Variants in PARN observed in about 807,000 individuals in gnomAD.
PARN encodes the protein poly(A)-specific ribonuclease PARN.
A neutral mutation model predicts 102.8 loss-of-function variants in PARN; 71 were observed. That is an observed-to-expected ratio of 0.69 (90% CI 0.57 to 0.84). The LOEUF is 0.84. PARN is among the 40% of genes least tolerant of loss of function. The pLI is 0.00. For missense variants in PARN, 782 were observed against 760.9 expected, an observed-to-expected ratio of 1.03 and a Z score of -0.33; for synonymous variants, 261 against 252.9, an observed-to-expected ratio of 1.03 and a Z score of -0.30.
chr16:14,568,456 A>AC (rs1055268050), intron 18 of PARN, among the ~76,000 whole-genome samples: 14 of 151,528 alleles, frequency 9.2e-5, no homozygotes, highest in Admixed American at 2.6e-4. Flanking sequence ...AAAAAAAAAA[A>AC]ATAGCTGGGT....
At chr16:14,585,384 T>C (rs988741842) in intron 14 of PARN, among the ~76,000 whole-genome samples, 10 of 130,678 alleles carry the variant, frequency 7.7e-5, no homozygotes, top group African/African-American at 1.1e-4. Context: ...TTTTTTTTTT[T>C]CATATAAATG....
chr16:14,596,873 G>A (rs377440101), intron 12 of PARN, among the ~76,000 whole-genome samples: 2 of 147,734 alleles, frequency 1.4e-5, no homozygotes, highest in Non-Finnish European at 3.0e-5. Flanking sequence ...TGCAACCCCC[G>A]CCTCCTAGGT....
chr16:14,537,288 A>T (rs1966649623), intron 21 of PARN, among the ~76,000 whole-genome samples: 1 of 152,190 alleles, frequency 6.6e-6, no homozygotes. Context: ...ACAAAAAAAT[A>T]ACACAGACTG....
chr16:14,566,794 C>T (rs946424408), intron 18 of PARN, among the ~76,000 whole-genome samples: 17 of 152,210 alleles, frequency 1.1e-4, no homozygotes, highest in East Asian at 5.8e-4. Flanking sequence ...CAGCTCAGCA[C>T]GTGGACTGCC....
chr16:14,620,173 C>G (rs1304456073), intron 5 of PARN, among the ~76,000 whole-genome samples: 1 of 150,842 alleles, frequency 6.6e-6, no homozygotes. Flanking sequence ...GTCAGGAGAT[C>G]GAGACCACCC....
intron 8 of PARN, 96 bp from the exon 9 acceptor site, chr16:14,608,415 G>C: frequency 1.3e-6 from 1 of 778,262 alleles, no homozygotes; most frequent in Non-Finnish European, 2.1e-6. Flanking sequence ...TTTAAAAAGA[G>C]ACTTCATTAG....
In PARN at chr16:14,563,522, G is replaced by GTGTGTGTATATATA. The variant is rs1423811963; in HGVS notation, c.1263-7814_1263-7813insTATATATACACACA. The stretch of plus-strand genomic sequence containing the variant: ...TGTGTGTGTGTGTGTGTGTGTGTGT[G>GTGTGTGTATATATA]TATATAATTCTTTTAAGTTCTGGGA... On this transcript the variant is annotated intron_variant, in intron 18 of 23. Coordinates refer to ENST00000437198, the MANE Select transcript of PARN (RefSeq NM_002582.4). Among the ~76,000 whole-genome samples, 515 of 149,234 alleles carry GTGTGTGTATATATA rather than the reference G, an allele frequency of 3.5e-3. 2 individuals are homozygous for GTGTGTGTATATATA. The highest frequency in any genetic ancestry group is 4.9e-3 in the Non-Finnish European group (329 of 67,402).
intron 23 of PARN, among the ~76,000 whole-genome samples, chr16:14,442,398 C>G (rs1280334442): frequency 1.3e-5 from 2 of 152,276 alleles, no homozygotes; most frequent in Middle Eastern, 3.4e-3. Context: ...GTACCTAGAA[C>G]TGCTTGGATG....
chr16:14,576,276 C>T (rs1219167192), intron 18 of PARN: 1 of 152,178 alleles, frequency 6.6e-6, no homozygotes, highest in Non-Finnish European at 1.5e-5. Context: ...CCAGCGGAAC[C>T]CTGTTCAGAT....
rs142037338 is a variant in PARN at position 14,597,030 on chromosome 16, G to A, written c.840+2874C>T. Among the ~76,000 whole-genome samples, 347 of 151,940 alleles carry A rather than the reference G, an allele frequency of 2.3e-3. 2 individuals are homozygous for A. The highest frequency in any genetic ancestry group is 7.9e-3 in the African/African-American group (328 of 41,438). Reference sequence around the variant, plus strand: ...TCGAACTCCCGACCTCCAGTGATCCGCCCCCCTTGGCCTCCCAAAGTACTG... The same window carrying A: ...TCGAACTCCCGACCTCCAGTGATCCACCCCCCTTGGCCTCCCAAAGTACTG... On this transcript the variant is annotated intron_variant, in intron 12 of 23. Coordinates refer to ENST00000437198, the MANE Select transcript of PARN (RefSeq NM_002582.4).
chr16:14,560,527 T>A (rs962441619), intron 18 of PARN, among the ~76,000 whole-genome samples: 3 of 152,196 alleles, frequency 2.0e-5, no homozygotes, highest in African/African-American at 7.2e-5. Context: ...AAGAATTCTA[T>A]CCTAAGAAAC....
intron 22 of PARN, among the ~76,000 whole-genome samples, chr16:14,471,497 G>C (rs1962738476): frequency 6.6e-6 from 1 of 152,140 alleles, no homozygotes; most frequent in African/African-American, 2.4e-5. Flanking sequence ...AGTATTCCAA[G>C]TTGTCTGAAT....
chr16:14,518,596 A>C (rs1003754547), intron 21 of PARN, among the ~76,000 whole-genome samples: 1 of 152,136 alleles, frequency 6.6e-6, no homozygotes, highest in Admixed American at 6.5e-5. Context: ...CCTAAGAAAC[A>C]GAAGAATATA....
intron 12 of PARN, among the ~76,000 whole-genome samples, chr16:14,595,006 C>A (rs995524739): frequency 6.6e-6 from 1 of 152,110 alleles, no homozygotes; most frequent in Non-Finnish European, 1.5e-5. Context: ...TAAATGACTA[C>A]CATAACCACA....
intron 16 of PARN, 72 bp downstream of exon 16, chr16:14,584,275 T>C: frequency 9.1e-7 from 1 of 1,100,328 alleles, no homozygotes; most frequent in Non-Finnish European, 1.4e-6. Context: ...AGAGCCATTC[T>C]GCTTTTCTTC....
At chr16:14,593,438 G>A (rs1473250399) in intron 12 of PARN, 60 bp from the exon 13 acceptor site, 4 of 529,470 alleles carry the variant, frequency 7.6e-6, no homozygotes, top group East Asian at 6.2e-5. Context: ...TGGGGTTTCA[G>A]AATGTATAGT....
chr16:14,574,518 G>C (rs1223719898), intron 18 of PARN, among the ~76,000 whole-genome samples: 1 of 152,098 alleles, frequency 6.6e-6, no homozygotes, highest in Non-Finnish European at 1.5e-5. Flanking sequence ...TTCGAGACAA[G>C]CCTGACCAAC....
At chr16:14,600,757 C>G (rs1189518590) in intron 11 of PARN, among the ~76,000 whole-genome samples, 1 of 152,036 alleles carries the variant, frequency 6.6e-6, no homozygotes, top group Non-Finnish European at 1.5e-5. Context: ...ATGGTGAAAC[C>G]CTGTCTCTAC....
intron 22 of PARN, among the ~76,000 whole-genome samples, chr16:14,470,479 C>T (rs1306415233): frequency 7.0e-6 from 1 of 142,444 alleles, no homozygotes; most frequent in African/African-American, 2.7e-5. Flanking sequence ...TTATTTGAGA[C>T]AGGGTCTCAC....
Sources: allele counts gnomAD v4.1 joint callset (sites outside exome capture counted in the v4.1 genomes callset), GRCh38; gene constraint gnomAD v4.1.1; transcripts MANE v1.5; gene names NCBI Gene and HGNC (gene_info 2026-07-23, HGNC 2026-07-21).